The following CBLL1 variants were observed in gnomAD, a reference collection of about 807,000 sequenced individuals.
CBLL1 encodes E3 ubiquitin-protein ligase Hakai.
Under a neutral mutation model 44.9 loss-of-function variants are expected in CBLL1, and 4 were observed. That is an observed-to-expected ratio of 0.09 (90% CI 0.04 to 0.20). CBLL1 has a LOEUF of 0.20. Among genes scored for constraint, CBLL1 ranks in the 10% least tolerant of loss-of-function variants. The pLI is 1.00. For missense variants in CBLL1, 569 were observed against 636.7 expected (o/e 0.89, Z 1.14); for synonymous variants, 235 against 202.2 (o/e 1.16, Z -1.38).
In CBLL1 at chr7:107,759,346, T is replaced by C. The variant is rs1408234298; in HGVS notation, c.*168T>C. The C allele has an allele frequency of 1.6e-6, 1 of 616,012 alleles. No homozygotes were observed. The highest frequency in any genetic ancestry group is 2.8e-5 in the East Asian group (1 of 36,102). The allele number at this position is 616,012 out of a possible 1,614,324, so 38.2% of individuals were successfully genotyped here. ...TTAAATCTTGACCTTAAGATTGATT[T>C]CAAGTACCATACTGTAGTACAGATA... On this transcript the variant is annotated 3_prime_UTR_variant, in exon 6 of 6. Transcript: ENST00000440859.
In CBLL1 at chr7:107,760,865, C is replaced by T. The variant is rs537843951; in HGVS notation, c.*1687C>T. On this transcript the variant is annotated 3_prime_UTR_variant, in exon 6 of 6. Coordinates refer to ENST00000440859, the MANE Select transcript of CBLL1 (RefSeq NM_024814.4). ...CAGAAGTTAGAAATAACAAAATGGC[C>T]GTTTCAACCTTGACTGGCCAAAAAT... is the stretch of plus-strand genomic sequence containing the variant. The T allele has an allele frequency of 3.3e-5, 5 of 151,984 alleles. No homozygotes were observed. Among genetic ancestry groups the T allele is most frequent in the East Asian group, 1.9e-4 (1 of 5,306 alleles). 9.4% of individuals were successfully genotyped at this position (151,984 alleles called of 1,614,324 possible).
Position 107,753,466 on chromosome 7 carries a change from T to C in CBLL1, c.237T>C (p.Phe79=). 1 of 1,591,936 alleles carries C rather than the reference T, an allele frequency of 6.3e-7. No individual in the cohort carries two copies. The highest frequency in any genetic ancestry group is 8.5e-7 in the Non-Finnish European group (1 of 1,171,664). The part of the protein sequence containing the change: ...ERYDCKGGEL[F]ANQRRFPGHL... ...ATGACTGTAAAGGGGGTGAGCTGTT[T>C]GCAAATCAGCGAAGATTTCCTGGAC... Residue 79 remains phenylalanine, a synonymous_variant, in exon 3 of 6, where the codon TTT becomes TTC. Coordinates refer to ENST00000440859, the MANE Select transcript of CBLL1 (RefSeq NM_024814.4).
chr7:107,744,251 A>C, intron 1 of CBLL1, 75 bp downstream of exon 1: 1 of 1,459,548 alleles, frequency 6.9e-7, no homozygotes, highest in Non-Finnish European at 9.2e-7. Flanking sequence ...CACAGCAGGC[A>C]AAAGGGATTA....
intron 2 of CBLL1, among the ~76,000 whole-genome samples, chr7:107,752,098 C>T (rs1453535724): frequency 2.6e-5 from 4 of 151,310 alleles, no homozygotes; most frequent in African/African-American, 9.7e-5. Flanking sequence ...ACTCGGGAGG[C>T]CGAGGCAGGA....
intron 2 of CBLL1, chr7:107,752,554 C>T (rs1793353111): frequency 1.6e-6 from 2 of 1,289,224 alleles, no homozygotes. Context: ...GTTCTAGGGC[C>T]AAAAGAGTCG....
At chr7:107,749,787 T>G (rs1477346573) in intron 2 of CBLL1, among the ~76,000 whole-genome samples, 1 of 152,188 alleles carries the variant, frequency 6.6e-6, no homozygotes, top group East Asian at 1.9e-4. Context: ...CTTTTAAAAT[T>G]TTTGTTTTGA....
Position 107,758,760 on chromosome 7 carries a change from A to G in CBLL1, c.1058A>G (p.His353Arg), listed in dbSNP as rs764901656. ...CCACCTCCTCCACCACCAATAAGCC[A>G]TCCAATGCCACATCCTCCCCAGGCT... ...PPPPPPPPIS[H>R]PMPHPPQAAG... The change falls in exon 6 of 6, where the codon CAT becomes CGT. Residue 353 changes from histidine (H) to arginine (R), a missense_variant. By Grantham distance (29) the His-to-Arg change is conservative. Coordinates refer to ENST00000440859, the MANE Select transcript of CBLL1 (RefSeq NM_024814.4). The surrounding 1 kb of genome is among the most constrained non-coding windows in gnomAD (Gnocchi z 4.2). 2.5e-6 allele frequency: 4 copies of G among 1,613,270 alleles called. No homozygotes were observed. Among genetic ancestry groups the G allele is most frequent in the Non-Finnish European group, 2.5e-6 (3 of 1,179,804 alleles).
Position 107,759,125 on chromosome 7 carries a change from C to G in CBLL1, c.1423C>G (p.Leu475Val). The G allele has an allele frequency of 6.2e-7, 1 of 1,613,860 alleles. No homozygotes were observed. Among genetic ancestry groups the G allele is most frequent in the Non-Finnish European group, 8.5e-7 (1 of 1,179,912 alleles). The change falls in exon 6 of 6, where the codon CTT becomes GTT. Residue 475 changes from leucine (L) to valine (V), a missense_variant. Around this residue, in one of 5 missense-constraint regions of CBLL1, gnomAD observed 228 missense variants for 253.2 expected, o/e 0.90. Coordinates refer to ENST00000440859, the MANE Select transcript of CBLL1 (RefSeq NM_024814.4). ...GCAGGGTCCGCCTTCTCAAACCCCA[C>G]TTCCTGGACCACATCATCCAGATCA... ...RLQGPPSQTP[L>V]PGPHHPDQTR...
At position 107,760,653 on chromosome 7, in the gene CBLL1, A is replaced by G. The variant is rs546784778; in HGVS notation, c.*1475A>G. On this transcript the variant is annotated 3_prime_UTR_variant, in exon 6 of 6. Transcript: ENST00000440859. ...TTCCTCCCCACTAAAATGGTGCATAATAAAACATGAAATATGTAGTATGCA... is the reference window on the plus strand; with the variant it reads ...TTCCTCCCCACTAAAATGGTGCATAGTAAAACATGAAATATGTAGTATGCA... 1 of 152,374 alleles carries G rather than the reference A, an allele frequency of 6.6e-6. No homozygotes were observed. The highest frequency in any genetic ancestry group is 6.5e-5 in the Admixed American group (1 of 15,300). The allele number at this position is 152,374 out of a possible 1,614,324, so 9.4% of individuals were successfully genotyped here.
In CBLL1 at chr7:107,761,273, G is replaced by A. The variant is rs779883428; in HGVS notation, c.*2095G>A. On this transcript the variant is annotated 3_prime_UTR_variant, in exon 6 of 6. Transcript: ENST00000440859. ...AAACCACTTAGCCTATGTATTGGAC[G>A]AGAAAATCAGTATCATGATAAAATT... The A allele has an allele frequency of 6.6e-6, 1 of 152,138 alleles. No homozygotes were observed. The highest frequency in any genetic ancestry group is 1.5e-5 in the Non-Finnish European group (1 of 67,888). 9.4% of individuals were successfully genotyped at this position (152,138 alleles called of 1,614,324 possible).
chr7:107,755,563 G>A (rs1793493959), intron 5 of CBLL1, 72 bp downstream of exon 5: 3 of 812,038 alleles, frequency 3.7e-6, no homozygotes, highest in African/African-American at 3.6e-5. Flanking sequence ...TTGGATTAAA[G>A]GTTAGGGAGT....
At chr7:107,748,496 G>A (rs993221510) in intron 1 of CBLL1, among the ~76,000 whole-genome samples, 3 of 142,410 alleles carry the variant, frequency 2.1e-5, no homozygotes, top group East Asian at 2.2e-4. Flanking sequence ...GATGGTTTTC[G>A]TTCTTTTTCT....
Position 107,758,963 on chromosome 7 carries a change from C to G in CBLL1, c.1261C>G (p.Pro421Ala). ...HGGPPVTAPP[P>A]HHYNPNSLPQ... ...TGGTCCACCTGTAACTGCACCCCCT[C>G]CTCACCATTATAATCCTAACTCATT... Residue 421 changes from proline to alanine, a missense_variant, in exon 6 of 6, where the codon CCT becomes GCT. Transcript: ENST00000440859. This position sits in a 1 kb window ranked among gnomAD's most constrained non-coding sequence, Gnocchi z 4.2. The G allele has an allele frequency of 6.2e-7, 1 of 1,613,864 alleles. No individual in the cohort carries two copies. The highest frequency in any genetic ancestry group is 8.5e-7 in the Non-Finnish European group (1 of 1,179,878).
rs141520368 is a variant in CBLL1 at position 107,745,732 on chromosome 7, T to G, written c.13+1556T>G. Among the ~76,000 whole-genome samples the G allele has an allele frequency of 4.1e-3, 622 of 152,166 alleles. 2 individuals carry two copies. Among genetic ancestry groups the G allele is most frequent in the African/African-American group, 0.014 (584 of 41,522 alleles). On this transcript the variant is annotated intron_variant, in intron 1 of 5. Coordinates refer to ENST00000440859, the MANE Select transcript of CBLL1 (RefSeq NM_024814.4). ...AGCTTCAGTAAATACTCTGGTGGTG[T>G]TTGAAGGAATGTGAGAGAAAGGAGA... is the stretch of plus-strand genomic sequence containing the variant.
intron 1 of CBLL1, 97 bp from the exon 2 acceptor site, chr7:107,748,783 C>T (rs1418741023): frequency 1.0e-6 from 1 of 1,002,562 alleles, no homozygotes; most frequent in African/African-American, 1.6e-5. Flanking sequence ...AGATCTTTAA[C>T]CTTGATAATG....
chr7:107,747,741 A>G (rs1156423938), intron 1 of CBLL1, among the ~76,000 whole-genome samples: 1 of 152,196 alleles, frequency 6.6e-6, no homozygotes, highest in African/African-American at 2.4e-5. Flanking sequence ...TGTTCAGAAA[A>G]AGTGCAAATG....
At chr7:107,751,217 C>A (rs143273286) in intron 2 of CBLL1, among the ~76,000 whole-genome samples, 1 of 152,112 alleles carries the variant, frequency 6.6e-6, no homozygotes, top group African/African-American at 2.4e-5. Flanking sequence ...AGATCCCTCT[C>A]TTGCACGGTT....
chr7:107,753,797 TG>T, intron 3 of CBLL1, 97 bp from the exon 4 acceptor site: 1 of 711,150 alleles, frequency 1.4e-6, no homozygotes. Context: ...TATTTCTAAT[TG>T]TTTTAACAAC....
intron 4 of CBLL1, 200 bp downstream of exon 4, chr7:107,754,178 A>G (rs1271543236): frequency 3.1e-6 from 1 of 327,534 alleles, no homozygotes; most frequent in Admixed American, 4.8e-5. Context: ...AAAATATTAA[A>G]TAAAACTGAA....
Sources: allele counts gnomAD v4.1 joint callset (sites outside exome capture counted in the v4.1 genomes callset), GRCh38; gene constraint gnomAD v4.1.1; regional missense constraint gnomAD v4.1.1; non-coding constraint Gnocchi (gnomAD v3.1); transcripts MANE v1.5; gene names NCBI Gene and HGNC (gene_info 2026-07-23, HGNC 2026-07-21).